RERE: variants seen among roughly 807,000 people sequenced by gnomAD.
The protein encoded by RERE is arginine-glutamic acid dipeptide repeats.
A neutral mutation model predicts 146.1 loss-of-function variants in RERE; 40 were observed. That is an observed-to-expected ratio of 0.27 (90% confidence interval 0.21 to 0.36). The LOEUF (loss-of-function observed/expected upper bound fraction) is 0.36. Among genes scored for constraint, RERE ranks in the 10% least tolerant of loss-of-function variants. The pLI is 1.00. For missense variants in RERE, 1,933 were observed against 2,138.7 expected (o/e 0.90, Z 1.90); for synonymous variants, 1,003 against 866.0 (o/e 1.16, Z -2.78).
At chr1:8,636,688 A>G (rs1386850874) in intron 2 of RERE, among the ~76,000 whole-genome samples, 3 of 152,220 alleles carry the variant, frequency 2.0e-5, no homozygotes, top group African/African-American at 7.2e-5. Context: ...ACAAAGTCCT[A>G]GCCATAAAAT....
chr1:8,541,096 T>C (rs895700756), intron 7 of RERE, 118 bp downstream of exon 7: 2 of 461,858 alleles, frequency 4.3e-6, no homozygotes, highest in Non-Finnish European at 7.7e-6. Flanking sequence ...TCATTTTTTT[T>C]AAGTATGTTA....
intron 1 of RERE, among the ~76,000 whole-genome samples, chr1:8,724,887 AAAAC>A (rs1304079019): frequency 2.0e-5 from 3 of 150,978 alleles, no homozygotes; most frequent in Non-Finnish European, 3.0e-5. Context: ...AAAAAAAAAA[AAAAC>A]AACTCAACCT....
intron 12 of RERE, among the ~76,000 whole-genome samples, chr1:8,401,423 C>T (rs772492259): frequency 3.3e-5 from 5 of 151,726 alleles, no homozygotes; most frequent in Non-Finnish European, 1.5e-5. Flanking sequence ...GCCTGCGCAA[C>T]AGAGTGAGAA....
chr1:8,500,900 C>G (rs1415919187), intron 8 of RERE, among the ~76,000 whole-genome samples: 51 of 151,906 alleles, frequency 3.4e-4, no homozygotes, highest in Middle Eastern at 3.4e-3. Context: ...TGCCTGGCCG[C>G]CCCGTCTGAG....
At chr1:8,646,633 A>G (rs1484501246) in intron 2 of RERE, among the ~76,000 whole-genome samples, 1 of 152,216 alleles carries the variant, frequency 6.6e-6, no homozygotes, top group East Asian at 1.9e-4. Context: ...TGTAGGTGTG[A>G]TTAGTTAACA....
chr1:8,447,921 A>G (rs1052589515), intron 11 of RERE, among the ~76,000 whole-genome samples: 27 of 152,118 alleles, frequency 1.8e-4, no homozygotes, highest in African/African-American at 5.8e-4. Flanking sequence ...GGGTGTGATG[A>G]TCTGACTTGG....
intron 11 of RERE, among the ~76,000 whole-genome samples, chr1:8,439,323 A>G (rs1013496604): frequency 6.6e-6 from 1 of 152,224 alleles, no homozygotes; most frequent in Non-Finnish European, 1.5e-5. Context: ...CAGATCCTAC[A>G]GTGTATGGCA....
At chr1:8,606,660 A>G (rs1448625266) in intron 4 of RERE, among the ~76,000 whole-genome samples, 2 of 152,222 alleles carry the variant, frequency 1.3e-5, no homozygotes, top group African/African-American at 2.4e-5. Context: ...TTAATCAGCT[A>G]GCATGATTTA....
chr1:8,648,432 A>G (rs1647431643), intron 2 of RERE, among the ~76,000 whole-genome samples: 1 of 152,182 alleles, frequency 6.6e-6, no homozygotes, highest in Admixed American at 6.5e-5. Flanking sequence ...AGGTTTCGCC[A>G]TGTTGCCCAA....
intron 6 of RERE, among the ~76,000 whole-genome samples, chr1:8,554,595 C>A (rs1176176768): frequency 6.7e-6 from 1 of 149,566 alleles, no homozygotes; most frequent in African/African-American, 2.5e-5. Flanking sequence ...GGTAGGATTG[C>A]CTGAGCCCAG....
chr1:8,661,063 AC>A (rs1233990383), intron 1 of RERE, among the ~76,000 whole-genome samples: 1 of 120,842 alleles, frequency 8.3e-6, no homozygotes, highest in Non-Finnish European at 1.7e-5. Flanking sequence ...AGAAGATCTT[AC>A]ATGGGAAATC....
chr1:8,475,768 C>T (rs996437946), intron 10 of RERE, among the ~76,000 whole-genome samples: 6 of 151,750 alleles, frequency 4.0e-5, no homozygotes, highest in South Asian at 2.1e-4. Context: ...CCTCCATCAT[C>T]GATAACCTAG....
chr1:8,807,776 T>C (rs1462419250), intron 1 of RERE, among the ~76,000 whole-genome samples: 3 of 152,176 alleles, frequency 2.0e-5, no homozygotes, highest in South Asian at 2.1e-4. Context: ...AGACTAATTG[T>C]TGGGGTCTTC....
chr1:8,802,274 A>C (rs1641603628), intron 1 of RERE, among the ~76,000 whole-genome samples: 1 of 152,180 alleles, frequency 6.6e-6, no homozygotes, highest in South Asian at 2.1e-4. Context: ...AAATGCTCTT[A>C]CTATGTGGTC....
chr1:8,527,491 GAA>G (rs1645583915), intron 7 of RERE, among the ~76,000 whole-genome samples: 1 of 151,866 alleles, frequency 6.6e-6, no homozygotes, highest in Admixed American at 6.6e-5. Context: ...TTTACTTGAA[GAA>G]ATCAACACAA....
chr1:8,422,998 C>T (rs934107524), intron 11 of RERE, among the ~76,000 whole-genome samples, 191 bp from the exon 12 acceptor site: 2 of 152,172 alleles, frequency 1.3e-5, no homozygotes, highest in African/African-American at 4.8e-5. Context: ...CAGCTACCTT[C>T]ATCAGAACCC....
At chr1:8,392,329 G>A (rs556334091) in intron 12 of RERE, among the ~76,000 whole-genome samples, 16 of 152,178 alleles carry the variant, frequency 1.1e-4, no homozygotes, top group Admixed American at 7.8e-4. Context: ...AATAAAAAAA[G>A]GTGAATCTAA....
At chr1:8,416,382 G>C (rs553132989) in intron 12 of RERE, among the ~76,000 whole-genome samples, 2 of 152,120 alleles carry the variant, frequency 1.3e-5, no homozygotes, top group South Asian at 2.1e-4. Flanking sequence ...TCAGGAGATC[G>C]AGACCATCCT....
rs1557553356 is a variant in RERE, at chr1:8,805,007, G to GT, written c.-145+12152_-145+12153insA. On this transcript the variant is annotated intron_variant, in intron 1 of 22. Transcript: ENST00000400908. Reference sequence around the variant, plus strand: ...ATTTTTTTTGTTTTGTTTTGTTTTTGGTTTTTTTTTTTTTTTTTTTTGAGA... The same window carrying GT: ...ATTTTTTTTGTTTTGTTTTGTTTTTGTGTTTTTTTTTTTTTTTTTTTTGAGA... Among the ~76,000 whole-genome samples the GT allele has an allele frequency of 6.7e-3, 409 of 61,292 alleles. 33 individuals are homozygous for GT. Among genetic ancestry groups the GT allele is most frequent in the African/African-American group, 9.1e-3 (147 of 16,206 alleles). 40.2% of individuals were successfully genotyped at this position (61,292 alleles called of 152,430 possible).
Sources: allele counts gnomAD v4.1 joint callset (sites outside exome capture counted in the v4.1 genomes callset), GRCh38; gene constraint gnomAD v4.1.1; transcripts MANE v1.5; gene names NCBI Gene and HGNC (gene_info 2026-07-23, HGNC 2026-07-21).